The following ZNF257 variants were observed in gnomAD, a reference collection of about 807,000 sequenced individuals.
ZNF257 encodes the protein bone marrow zinc finger 4.
ZNF257 carries 12 observed loss-of-function variants against 11.9 expected under a neutral mutation model. The ratio of observed to expected loss-of-function variants is 1.01; its 90% CI spans 0.65 to 1.63. ZNF257 has a LOEUF of 1.63. Ranked by LOEUF, ZNF257 falls within the 40% of genes most tolerant of loss-of-function variation. The probability of loss-of-function intolerance (pLI) is 0.00; values close to 1 mark genes in which losing one functional copy is unlikely to be tolerated. For missense variants in ZNF257, 580 were observed against 665.5 expected (o/e 0.87, Z 1.41); for synonymous variants, 183 against 222.7 (o/e 0.82, Z 1.59).
chr19:22,055,793 C>T lies in ZNF257; in HGVS notation c.3+3158C>T, dbSNP rs569473124. On this transcript the variant is annotated intron_variant, in intron 1 of 3. Coordinates refer to ENST00000594947, the MANE Select transcript of ZNF257 (RefSeq NM_033468.4). ...GAAAAGAATTGTTTTCGGCCGGGCG[C>T]GGTGGCTCACGCCTGTAATCCCAGC... Among the ~76,000 whole-genome samples, 50 of 152,062 alleles carry T rather than the reference C, an allele frequency of 3.3e-4. 1 individual carries two copies. The South Asian group carries it at 8.7e-3, about 27-fold the overall frequency.
At chr19:22,086,218 A>G (rs1397948942) in intron 3 of ZNF257, among the ~76,000 whole-genome samples, 2 of 151,812 alleles carry the variant, frequency 1.3e-5, no homozygotes, top group Middle Eastern at 3.2e-3. Context: ...CTATACAGAT[A>G]TTTTCTTTGT....
rs143566184 is a variant in ZNF257 at position 22,088,444 on chromosome 19, G to A, written c.694G>A (p.Glu232Lys). The change falls in exon 4 of 4, where the codon GAA (glutamate) becomes AAA (lysine). Residue 232 changes from glutamate to lysine, a missense_variant. Transcript: ENST00000594947. ...THTGEKPYKCEECGKAFNRSS... is the reference protein window; with the variant it reads ...THTGEKPYKCKECGKAFNRSS... Reference sequence around the variant, plus strand: ...TACTGGAGAGAAACCCTACAAATGTGAAGAGTGTGGAAAAGCTTTTAACCG... The same window carrying A: ...TACTGGAGAGAAACCCTACAAATGTAAAGAGTGTGGAAAAGCTTTTAACCG... The A allele has an allele frequency of 4.3e-4, 700 of 1,613,646 alleles. 8 individuals carry two copies. In the African/African-American group the frequency reaches 8.6e-3, roughly 20 times the overall value.
intron 1 of ZNF257, among the ~76,000 whole-genome samples, chr19:22,068,011 A>C (rs1373442854): frequency 6.6e-6 from 1 of 151,970 alleles, no homozygotes; most frequent in East Asian, 1.9e-4. Flanking sequence ...ATATCCAATC[A>C]ATAGTCAATG....
At chr19:22,073,603 A>T in intron 3 of ZNF257, 39 bp downstream of exon 3, 1 of 1,588,822 alleles carries the variant, frequency 6.3e-7, no homozygotes, top group Non-Finnish European at 8.6e-7. Flanking sequence ...GGTGAAACAG[A>T]TGAGAGATCC....
Position 22,073,062 on chromosome 19 carries a change from GT to G in ZNF257, c.130+130del, listed in dbSNP as rs535256497. The G allele has an allele frequency of 9.5e-5, 106 of 1,119,266 alleles. No homozygotes were observed. In the East Asian group the frequency reaches 3.0e-3, roughly 32 times the overall value. 69.3% of individuals were successfully genotyped at this position (1,119,266 alleles called of 1,614,324 possible). A position where few individuals can be genotyped will look rare whatever the true frequency, so the allele number is the denominator to read the frequency against. Reference sequence around the variant, plus strand: ...TGATAATTATGTTTTGCATAAATGAGTTTCATATCCCTGTTTTCAAGAAAAT... The same window carrying G: ...TGATAATTATGTTTTGCATAAATGAGTTCATATCCCTGTTTTCAAGAAAAT... On this transcript the variant is annotated intron_variant, in intron 2 of 3. Transcript: ENST00000594947.
chr19:22,058,900 G>GT (rs150247642), intron 1 of ZNF257, among the ~76,000 whole-genome samples: 34,212 of 150,644 alleles, frequency 0.23, 4,542 homozygotes, highest in South Asian at 0.44. Flanking sequence ...TTATCCTAAT[G>GT]TTTTTTTTTG....
In ZNF257 at chr19:22,052,574, G is replaced by A; in HGVS notation, c.-59G>A. 1 of 1,594,758 alleles carries A rather than the reference G, an allele frequency of 6.3e-7. No individual in the cohort carries two copies. ...AGGGGCCCAGCCTCTGTGGCCCTGT[G>A]ACCTGCAGGTATTGGGAGATCCCCA... On this transcript the variant is annotated 5_prime_UTR_variant, in exon 1 of 4. Coordinates refer to ENST00000594947, the MANE Select transcript of ZNF257 (RefSeq NM_033468.4).
intron 1 of ZNF257, among the ~76,000 whole-genome samples, chr19:22,070,968 C>T (rs2022090203): frequency 6.6e-6 from 1 of 152,106 alleles, no homozygotes; most frequent in Non-Finnish European, 1.5e-5. Flanking sequence ...ATCCTTACTT[C>T]AGCTTTTCCT....
At chr19:22,064,883 G>A (rs913097687) in intron 1 of ZNF257, among the ~76,000 whole-genome samples, 2 of 151,918 alleles carry the variant, frequency 1.3e-5, no homozygotes, top group African/African-American at 4.8e-5. Context: ...GCGAAACCCC[G>A]TTTCTACTAA....
intron 1 of ZNF257, among the ~76,000 whole-genome samples, chr19:22,054,992 C>A (rs1341772088): frequency 2.0e-5 from 3 of 150,002 alleles, no homozygotes; most frequent in Admixed American, 6.7e-5. Context: ...AAGGTGGCTG[C>A]CCCAGGGCTG....
intron 3 of ZNF257, among the ~76,000 whole-genome samples, chr19:22,077,646 C>T (rs978420026): frequency 6.6e-6 from 1 of 151,958 alleles, no homozygotes; most frequent in African/African-American, 2.4e-5. Flanking sequence ...TTAGGTATTA[C>T]ATTTTTCAAT....
At chr19:22,059,729 T>C (rs1050270374) in intron 1 of ZNF257, among the ~76,000 whole-genome samples, 3 of 151,878 alleles carry the variant, frequency 2.0e-5, no homozygotes, top group African/African-American at 7.3e-5. Context: ...TATTTTATTT[T>C]ATTTATATTT....
chr19:22,072,432 A>C (rs2022125131), intron 1 of ZNF257, among the ~76,000 whole-genome samples: 1 of 152,078 alleles, frequency 6.6e-6, no homozygotes, highest in Non-Finnish European at 1.5e-5. Context: ...TTGACAAAAT[A>C]TTCTTCTTGG....
chr19:22,054,081 T>C (rs2021558413), intron 1 of ZNF257, among the ~76,000 whole-genome samples: 1 of 151,618 alleles, frequency 6.6e-6, no homozygotes, highest in African/African-American at 2.4e-5. Flanking sequence ...TTTTCTTTTT[T>C]TTTTTTTTTA....
intron 1 of ZNF257, among the ~76,000 whole-genome samples, chr19:22,063,676 C>T (rs1250214656): frequency 6.6e-6 from 1 of 152,034 alleles, no homozygotes; most frequent in Non-Finnish European, 1.5e-5. Context: ...AAGTGGTTTT[C>T]TTTGTAGTTG....
chr19:22,063,299 A>G (rs2021853259), intron 1 of ZNF257, among the ~76,000 whole-genome samples: 2 of 151,956 alleles, frequency 1.3e-5, no homozygotes, highest in South Asian at 4.1e-4. Flanking sequence ...TTTTTTTTCA[A>G]AGATTTAACT....
intron 3 of ZNF257, chr19:22,087,577 A>G (rs1327193043): frequency 2.4e-6 from 3 of 1,230,420 alleles, no homozygotes; most frequent in Non-Finnish European, 3.0e-6. Context: ...AAAGACCCCT[A>G]AAAGCCAGAC....
chr19:22,073,929 T>C (rs2022168560), intron 3 of ZNF257, among the ~76,000 whole-genome samples: 1 of 152,178 alleles, frequency 6.6e-6, no homozygotes, highest in African/African-American at 2.4e-5. Flanking sequence ...TTAAGTTCTC[T>C]TTTTGCATTG....
chr19:22,083,739 A>C (rs1304880011), intron 3 of ZNF257, among the ~76,000 whole-genome samples: 1 of 152,120 alleles, frequency 6.6e-6, no homozygotes, highest in Non-Finnish European at 1.5e-5. Flanking sequence ...TAACTTCTTT[A>C]TATATCTCAT....
Sources: gnomAD v4.1 joint callset for allele counts (sites outside exome capture counted in the v4.1 genomes callset) on GRCh38, gnomAD v4.1.1 for gene constraint, MANE v1.5 for transcripts, NCBI Gene and HGNC (gene_info 2026-07-23, HGNC 2026-07-21) for gene names.